The following SGCZ variants were observed in gnomAD, a reference collection of about 807,000 sequenced individuals.
The protein encoded by SGCZ is sarcoglycan zeta.
A neutral mutation model predicts 41.3 loss-of-function variants in SGCZ; 40 were observed. The ratio of observed to expected loss-of-function variants is 0.97; its 90% CI spans 0.75 to 1.26. The LOEUF is 1.26. Among genes scored for constraint, SGCZ ranks in the 50% most tolerant of loss-of-function variants. The pLI is 0.00. For synonymous variants in SGCZ, 206 were observed against 137.5 expected (o/e 1.50, Z -3.49); for missense variants, 552 against 369.8 (o/e 1.49, Z -4.04).
intron 3 of SGCZ, among the ~76,000 whole-genome samples, chr8:14,276,048 G>T (rs558147735): frequency 9.8e-5 from 15 of 152,290 alleles, no homozygotes; most frequent in African/African-American, 3.6e-4. Context: ...ATGCTTCTCC[G>T]CCTGTGCTAG....
chr8:15,093,442 T>G (rs1038162186), intron 1 of SGCZ, among the ~76,000 whole-genome samples: 3 of 152,238 alleles, frequency 2.0e-5, no homozygotes, highest in Admixed American at 6.5e-5. Flanking sequence ...ATTTTTGTAG[T>G]ATACAGTTTG....
chr8:15,153,460 A>G (rs1799238130), intron 1 of SGCZ, among the ~76,000 whole-genome samples: 1 of 152,182 alleles, frequency 6.6e-6, no homozygotes, highest in Non-Finnish European at 1.5e-5. Flanking sequence ...CAGAGTCTGT[A>G]TTAGTCAGTG....
At chr8:14,960,912 T>G (rs933930445) in intron 1 of SGCZ, among the ~76,000 whole-genome samples, 1 of 146,984 alleles carries the variant, frequency 6.8e-6, no homozygotes, top group African/African-American at 2.6e-5. Context: ...GAATATTATC[T>G]TTCTACTGCA....
chr8:15,224,236 A>G (rs1377440019), intron 1 of SGCZ, among the ~76,000 whole-genome samples: 1 of 152,208 alleles, frequency 6.6e-6, no homozygotes. Flanking sequence ...TTCTTTCATA[A>G]AGATTCAGGA....
chr8:14,619,277 A>G lies in SGCZ; in HGVS notation c.40-64351T>C, dbSNP rs527470039. On this transcript the variant is annotated intron_variant, in intron 1 of 7. Transcript: ENST00000382080. ...AAAACTCTCAATAAATTAGGTATTG[A>G]TGGGATGTATCTCAAAATAATAAGA... Among the ~76,000 whole-genome samples, 388 of 152,296 alleles carry G rather than the reference A, an allele frequency of 2.5e-3. 4 individuals carry two copies. Among genetic ancestry groups the G allele is most frequent in the African/African-American group, 8.9e-3 (372 of 41,572 alleles).
intron 1 of SGCZ, among the ~76,000 whole-genome samples, chr8:14,864,246 A>T (rs1803850885): frequency 6.6e-6 from 1 of 151,662 alleles, no homozygotes; most frequent in Admixed American, 6.6e-5. Context: ...CATGTTTCCT[A>T]TTTTTTTTCT....
chr8:14,764,136 G>A (rs1269567359), intron 1 of SGCZ, among the ~76,000 whole-genome samples: 1 of 152,140 alleles, frequency 6.6e-6, no homozygotes, highest in Non-Finnish European at 1.5e-5. Flanking sequence ...GGACAAAGGA[G>A]CCACTTCAAA....
intron 1 of SGCZ, among the ~76,000 whole-genome samples, chr8:14,908,743 C>CAA (rs58817872): frequency 0.2 from 17,947 of 90,528 alleles, 1,901 homozygotes; most frequent in South Asian, 0.3. Flanking sequence ...GTCACCGTTG[C>CAA]AAAAAAAAAA....
intron 1 of SGCZ, among the ~76,000 whole-genome samples, chr8:14,758,753 A>C (rs1488944073): frequency 6.6e-6 from 1 of 152,220 alleles, no homozygotes; most frequent in African/African-American, 2.4e-5. Flanking sequence ...TCACGCCTAT[A>C]ATTCCAGCAC....
intron 1 of SGCZ, among the ~76,000 whole-genome samples, chr8:14,717,376 C>T (rs1381119162): frequency 6.6e-6 from 1 of 152,040 alleles, no homozygotes; most frequent in Non-Finnish European, 1.5e-5. Context: ...TACTATAAAT[C>T]ACTTACAGTA....
At chr8:14,882,076 T>C (rs1299254867) in intron 1 of SGCZ, among the ~76,000 whole-genome samples, 1 of 152,092 alleles carries the variant, frequency 6.6e-6, no homozygotes, top group African/African-American at 2.4e-5. Flanking sequence ...GCAAAAGCAG[T>C]GTTAAGAGGG....
chr8:15,181,371 C>T (rs914723400), intron 1 of SGCZ, among the ~76,000 whole-genome samples: 1 of 151,918 alleles, frequency 6.6e-6, no homozygotes, highest in Non-Finnish European at 1.5e-5. Context: ...AGAAAAAACA[C>T]CTAAGGGCTA....
chr8:14,245,274 C>T lies in SGCZ; in HGVS notation c.337-7595G>A, dbSNP rs542364672. 3.3e-5 allele frequency among the ~76,000 whole-genome samples: 5 copies of T among 152,150 alleles called. No homozygotes were observed. The South Asian group carries it at 1.0e-3, about 32-fold the overall frequency. On this transcript the variant is annotated intron_variant, in intron 3 of 7. Coordinates refer to ENST00000382080, the MANE Select transcript of SGCZ (RefSeq NM_139167.4). ...ATAGATCAATGGAACAGAACAGAGC[C>T]CTCAGAAATAACGCCGCATATCTAC...
intron 1 of SGCZ, among the ~76,000 whole-genome samples, chr8:15,014,740 A>G (rs1014298672): frequency 6.6e-6 from 1 of 152,224 alleles, no homozygotes; most frequent in African/African-American, 2.4e-5. Flanking sequence ...AGGAGTCCAT[A>G]CTGACTTTAT....
At chr8:15,059,777 G>A (rs1034100128) in intron 1 of SGCZ, among the ~76,000 whole-genome samples, 9 of 152,172 alleles carry the variant, frequency 5.9e-5, no homozygotes, top group African/African-American at 2.2e-4. Flanking sequence ...TGAATAGTTA[G>A]GAGAATTTTC....
At chr8:14,517,510 C>A (rs1259020997) in intron 2 of SGCZ, among the ~76,000 whole-genome samples, 2 of 151,870 alleles carry the variant, frequency 1.3e-5, no homozygotes, top group Non-Finnish European at 2.9e-5. Context: ...TAAAATAGGC[C>A]TTTAACTTTG....
intron 3 of SGCZ, among the ~76,000 whole-genome samples, chr8:14,255,578 T>G (rs1183933786): frequency 6.6e-6 from 1 of 152,038 alleles, no homozygotes; most frequent in Non-Finnish European, 1.5e-5. Context: ...AAGTATAAAT[T>G]TATTAAAGAT....
intron 1 of SGCZ, among the ~76,000 whole-genome samples, chr8:15,026,183 C>G (rs1313031452): frequency 6.6e-6 from 1 of 150,602 alleles, no homozygotes; most frequent in East Asian, 1.9e-4. Context: ...TAAAACATTT[C>G]TTTAGGTTGG....
chr8:14,123,713 A>G (rs568382718), intron 5 of SGCZ, among the ~76,000 whole-genome samples: 21 of 152,324 alleles, frequency 1.4e-4, no homozygotes, highest in Admixed American at 6.5e-4. Context: ...TTATCAATCA[A>G]TTAGAATGGT....
Sources: allele counts gnomAD v4.1 joint callset (sites outside exome capture counted in the v4.1 genomes callset), GRCh38; gene constraint gnomAD v4.1.1; transcripts MANE v1.5; gene names NCBI Gene and HGNC (gene_info 2026-07-23, HGNC 2026-07-21).